The following SUGCT variants were observed in gnomAD, a reference collection of about 807,000 sequenced individuals.
SUGCT encodes the protein succinyl-CoA:glutarate CoA-transferase.
A neutral mutation model predicts 55.0 loss-of-function variants in SUGCT; 41 were observed. That is an observed-to-expected ratio of 0.74 (90% CI 0.58 to 0.97). The LOEUF (loss-of-function observed/expected upper bound fraction) is 0.97, where lower values mean the gene tolerates loss of function less well. SUGCT is among the 50% of genes least tolerant of loss of function. SUGCT has a pLI of 0.00. For synonymous variants in SUGCT, 187 were observed against 200.4 expected (o/e 0.93, Z 0.56); for missense variants, 568 against 547.8 (o/e 1.04, Z -0.37).
intron 13 of SUGCT, among the ~76,000 whole-genome samples, chr7:40,854,430 T>TTCTG (rs1491328874): frequency 7.2e-6 from 1 of 139,536 alleles, no homozygotes. Flanking sequence ...CTTTCTTTCT[T>TTCTG]TCTTTCTTTC....
chr7:40,422,851 CAT>C, intron 9 of SUGCT, among the ~76,000 whole-genome samples: 1 of 149,258 alleles, frequency 6.7e-6, no homozygotes, highest in Middle Eastern at 3.5e-3. Context: ...CTCCCTAAAA[CAT>C]ATAATCACTA....
chr7:40,982,875 C>G, the SUGCT span, among the ~76,000 whole-genome samples: 1 of 152,132 alleles, frequency 6.6e-6, no homozygotes, highest in Non-Finnish European at 1.5e-5. Flanking sequence ...TCTCAAACTC[C>G]AAGGCTCAAG....
chr7:40,443,263 G>A (rs958617133), intron 9 of SUGCT, among the ~76,000 whole-genome samples: 1 of 152,108 alleles, frequency 6.6e-6, no homozygotes, highest in Admixed American at 6.5e-5. Flanking sequence ...GGGTCAAATG[G>A]TATTTCTAGT....
chr7:40,449,415 A>T (rs554798757), intron 10 of SUGCT, 57 bp downstream of exon 10: 2 of 1,403,952 alleles, frequency 1.4e-6, no homozygotes, highest in African/African-American at 2.8e-5. Flanking sequence ...GGGAAAGTTC[A>T]GTTTTGCCCA....
intron 12 of SUGCT, among the ~76,000 whole-genome samples, chr7:40,710,244 C>G (rs1785642179): frequency 6.6e-6 from 1 of 152,200 alleles, no homozygotes; most frequent in Non-Finnish European, 1.5e-5. Flanking sequence ...CTCTCTCATT[C>G]TAGAAAATGC....
the SUGCT span, among the ~76,000 whole-genome samples, chr7:40,945,418 G>A: frequency 1.3e-5 from 2 of 152,094 alleles, 1 homozygote; most frequent in Admixed American, 1.3e-4. Context: ...GAACCTGGAG[G>A]GCACTCCTCC....
chr7:40,474,422 T>C (rs974073283), intron 11 of SUGCT, among the ~76,000 whole-genome samples: 20 of 152,182 alleles, frequency 1.3e-4, no homozygotes, highest in African/African-American at 3.4e-4. Context: ...TTTGGAATCA[T>C]GTAACCAGAG....
the SUGCT span, among the ~76,000 whole-genome samples, chr7:41,028,838 C>T: frequency 2.6e-5 from 4 of 152,150 alleles, no homozygotes; most frequent in Non-Finnish European, 4.4e-5. Context: ...GCTATTTCAC[C>T]TCTGTAAGCC....
At chr7:40,840,206 A>C (rs1217723219) in intron 13 of SUGCT, among the ~76,000 whole-genome samples, 1 of 151,998 alleles carries the variant, frequency 6.6e-6, no homozygotes, top group African/African-American at 2.4e-5. Context: ...CACTTTGTGA[A>C]CTCCATGGGA....
intron 12 of SUGCT, among the ~76,000 whole-genome samples, chr7:40,736,810 A>C (rs1466156781): frequency 6.6e-6 from 1 of 152,154 alleles, no homozygotes; most frequent in Admixed American, 6.5e-5. Context: ...ACTTTGGGGA[A>C]AATAAAACCA....
the SUGCT span, among the ~76,000 whole-genome samples, chr7:40,924,458 C>A: frequency 2.0e-5 from 3 of 152,082 alleles, no homozygotes; most frequent in African/African-American, 7.2e-5. Flanking sequence ...CCAGGTTGCC[C>A]CACCCAGCTG....
At chr7:40,661,242 C>CT (rs1450170749) in intron 12 of SUGCT, among the ~76,000 whole-genome samples, 1 of 152,178 alleles carries the variant, frequency 6.6e-6, no homozygotes, top group African/African-American at 2.4e-5. Flanking sequence ...TCAATAACTA[C>CT]TTTAACTTCT....
At chr7:40,819,630 T>A (rs1018832040) in intron 13 of SUGCT, among the ~76,000 whole-genome samples, 13 of 152,210 alleles carry the variant, frequency 8.5e-5, no homozygotes, top group Non-Finnish European at 1.5e-4. Context: ...GTAAATTTGT[T>A]TAAGTTCTTT....
intron 12 of SUGCT, among the ~76,000 whole-genome samples, chr7:40,709,077 C>T (rs1283747873): frequency 6.6e-6 from 1 of 152,156 alleles, no homozygotes; most frequent in Non-Finnish European, 1.5e-5. Flanking sequence ...ATAAGTATCT[C>T]TTATTCACTG....
chr7:40,717,127 G>A (rs1295620623), intron 12 of SUGCT, among the ~76,000 whole-genome samples: 1 of 152,150 alleles, frequency 6.6e-6, no homozygotes, highest in Non-Finnish European at 1.5e-5. Flanking sequence ...TTTCTTGAAT[G>A]TATGCTGAGG....
At chr7:40,629,680 T>C (rs986675189) in intron 12 of SUGCT, among the ~76,000 whole-genome samples, 6 of 152,156 alleles carry the variant, frequency 3.9e-5, no homozygotes, top group African/African-American at 1.4e-4. Flanking sequence ...TGTTCAGAAT[T>C]AGTGATGAGA....
At chr7:40,936,289 A>C in the SUGCT span, among the ~76,000 whole-genome samples, 1 of 151,300 alleles carries the variant, frequency 6.6e-6, no homozygotes, top group Non-Finnish European at 1.5e-5. Flanking sequence ...AGGTCTTTTC[A>C]GATTTTTCAT....
At chr7:40,866,861 A>G in the SUGCT span, among the ~76,000 whole-genome samples, 1 of 152,060 alleles carries the variant, frequency 6.6e-6, no homozygotes, top group Non-Finnish European at 1.5e-5. Flanking sequence ...AGAGATGACA[A>G]CGATCCAAAC....
rs187559924 is a variant in SUGCT, at chr7:40,726,807, G to T, written c.1090-22627G>T. Among the ~76,000 whole-genome samples the T allele has an allele frequency of 1.1e-4, 17 of 152,254 alleles. No individual in the cohort carries two copies. In the East Asian group the frequency reaches 2.9e-3, roughly 26 times the overall value. ...GGTGCTGCTTGGAATAAGAATTTTC[G>T]TGGGAGGAACAAGTGTGATCATCAG... On this transcript the variant is annotated intron_variant, in intron 12 of 13. Coordinates refer to ENST00000335693, the MANE Select transcript of SUGCT (RefSeq NM_001193313.2).
Sources: gnomAD v4.1 joint callset for allele counts (sites outside exome capture counted in the v4.1 genomes callset) on GRCh38, gnomAD v4.1.1 for gene constraint, MANE v1.5 for transcripts, NCBI Gene and HGNC (gene_info 2026-07-23, HGNC 2026-07-21) for gene names.